EYA2: variants seen among roughly 807,000 people sequenced by gnomAD.
The protein encoded by EYA2 is EYA transcriptional coactivator and phosphatase 2, also known as protein phosphatase EYA2.
Under a neutral mutation model 69.2 loss-of-function variants are expected in EYA2, and 31 were observed. The observed-to-expected ratio is 0.45, with a 90% CI of 0.34 to 0.60. The LOEUF (loss-of-function observed/expected upper bound fraction) is 0.60. Among genes scored for constraint, EYA2 ranks in the 20% least tolerant of loss-of-function variants. The probability of loss-of-function intolerance (pLI) is 0.02; values close to 1 mark genes in which losing one functional copy is unlikely to be tolerated. For missense variants in EYA2, 622 were observed against 701.2 expected, an observed-to-expected ratio of 0.89 and a Z score of 1.28; for synonymous variants, 257 against 279.4, an observed-to-expected ratio of 0.92 and a Z score of 0.80.
chr20:46,976,078 A>T (rs984601754), intron 1 of EYA2, among the ~76,000 whole-genome samples: 8 of 152,050 alleles, frequency 5.3e-5, no homozygotes, highest in Non-Finnish European at 1.2e-4. Context: ...TTGCTTATGT[A>T]AGCTGAGTGC....
At chr20:47,067,758 TC>T (rs2031169919) in intron 5 of EYA2, among the ~76,000 whole-genome samples, 1 of 152,204 alleles carries the variant, frequency 6.6e-6, no homozygotes, top group African/African-American at 2.4e-5. Flanking sequence ...AGCTTTTTTA[TC>T]CTTTTCTTTC....
chr20:47,055,077 T>G (rs749071613), intron 5 of EYA2, among the ~76,000 whole-genome samples: 3 of 152,116 alleles, frequency 2.0e-5, no homozygotes, highest in Non-Finnish European at 2.9e-5. Context: ...TGAGATTCCC[T>G]CTCATTGGAC....
intron 1 of EYA2, among the ~76,000 whole-genome samples, chr20:46,942,954 C>T (rs776150499): frequency 1.3e-5 from 2 of 152,274 alleles, no homozygotes; most frequent in South Asian, 2.1e-4. Context: ...TTAGTAGAGA[C>T]GGAGTTTCAC....
intron 9 of EYA2, among the ~76,000 whole-genome samples, chr20:47,118,165 A>G (rs1036073879): frequency 4.6e-5 from 7 of 152,244 alleles, no homozygotes; most frequent in Non-Finnish European, 1.0e-4. Context: ...ACAATTTGAA[A>G]AGGATTTTCT....
At chr20:47,032,801 C>T (rs748938537) in intron 5 of EYA2, among the ~76,000 whole-genome samples, 3 of 152,202 alleles carry the variant, frequency 2.0e-5, no homozygotes, top group Non-Finnish European at 4.4e-5. Flanking sequence ...TGCTTCCTTG[C>T]TTTGGCTATC....
chr20:46,988,984 G>A lies in EYA2; in HGVS notation c.-10-1017G>A, dbSNP rs1021287961. 6.5e-4 allele frequency among the ~76,000 whole-genome samples: 99 copies of A among 152,160 alleles called. 1 individual carries two copies. The highest frequency in any genetic ancestry group is 2.3e-3 in the African/African-American group (94 of 41,426). The stretch of plus-strand genomic sequence containing the variant: ...GCCTCCCAAAGTGCTGGAACTGAAG[G>A]TGTGAGCCACCATGCCTGGCCAGAA... On this transcript the variant is annotated intron_variant, in intron 1 of 15. Coordinates refer to ENST00000327619, the MANE Select transcript of EYA2 (RefSeq NM_005244.5).
chr20:46,917,780 G>T (rs1243759134), intron 1 of EYA2, among the ~76,000 whole-genome samples: 2 of 152,152 alleles, frequency 1.3e-5, no homozygotes, highest in African/African-American at 4.8e-5. Context: ...GCTAATGATC[G>T]TCTGAGCCTT....
At chr20:46,895,269 C>G (rs1384439574) in intron 1 of EYA2, among the ~76,000 whole-genome samples, 1 of 152,288 alleles carries the variant, frequency 6.6e-6, no homozygotes, top group South Asian at 2.1e-4. Flanking sequence ...GTTTGCTCTC[C>G]CGCGCGCGGG....
intron 8 of EYA2, 116 bp from the exon 9 acceptor site, chr20:47,096,969 C>A: frequency 1.3e-6 from 1 of 767,954 alleles, no homozygotes; most frequent in Non-Finnish European, 2.2e-6. Context: ...TGTTTTGTAA[C>A]TAAAGATAAT....
At chr20:47,082,982 C>T (rs2031774074) in intron 7 of EYA2, among the ~76,000 whole-genome samples, 1 of 152,056 alleles carries the variant, frequency 6.6e-6, no homozygotes, top group Middle Eastern at 3.4e-3. Flanking sequence ...TCACTTGAGG[C>T]CAGAAGTCTG....
intron 5 of EYA2, among the ~76,000 whole-genome samples, chr20:47,047,968 G>A (rs201451315): frequency 9.9e-5 from 15 of 152,026 alleles, no homozygotes; most frequent in African/African-American, 3.1e-4. Flanking sequence ...ATGAGCCACC[G>A]CGCCCCTGCC....
At chr20:47,056,224 G>A (rs1015826450) in intron 5 of EYA2, among the ~76,000 whole-genome samples, 5 of 152,138 alleles carry the variant, frequency 3.3e-5, no homozygotes, top group Admixed American at 2.0e-4. Flanking sequence ...TTTTTAAGAC[G>A]GTGAGAAGGA....
At chr20:46,987,957 T>TCTCC (rs1981368370) in intron 1 of EYA2, among the ~76,000 whole-genome samples, 1 of 52,828 alleles carries the variant, frequency 1.9e-5, no homozygotes, top group Non-Finnish European at 3.4e-5. Context: ...TCTCTCTCTC[T>TCTCC]CTCTCTCTAT....
At chr20:46,953,869 G>C (rs959326684) in intron 1 of EYA2, among the ~76,000 whole-genome samples, 2 of 152,174 alleles carry the variant, frequency 1.3e-5, no homozygotes, top group Non-Finnish European at 2.9e-5. Context: ...TCGTTGGGAT[G>C]ACCATGCCAC....
chr20:46,940,595 G>A (rs1052618907), intron 1 of EYA2, among the ~76,000 whole-genome samples: 6 of 152,204 alleles, frequency 3.9e-5, no homozygotes, highest in Non-Finnish European at 8.8e-5. Flanking sequence ...AGGCACAAAG[G>A]CCACCCATGC....
At chr20:47,140,438 C>CT (rs200101721) in intron 9 of EYA2, among the ~76,000 whole-genome samples, 10 of 150,468 alleles carry the variant, frequency 6.6e-5, no homozygotes, top group African/African-American at 2.2e-4. Flanking sequence ...TTTTTTCTTT[C>CT]TTTTTTTTTA....
intron 1 of EYA2, among the ~76,000 whole-genome samples, chr20:46,977,249 C>T (rs1980520256): frequency 6.6e-6 from 1 of 152,170 alleles, no homozygotes; most frequent in Non-Finnish European, 1.5e-5. Context: ...CCCAATGTGG[C>T]TGTAATCTTA....
chr20:47,009,910 T>G (rs1016036646), intron 4 of EYA2, among the ~76,000 whole-genome samples: 3 of 152,264 alleles, frequency 2.0e-5, no homozygotes, highest in African/African-American at 7.2e-5. Flanking sequence ...CACATTCTTT[T>G]GCAACTTGCT....
At chr20:47,149,579 C>T (rs1426764248) in intron 10 of EYA2, among the ~76,000 whole-genome samples, 2 of 151,216 alleles carry the variant, frequency 1.3e-5, no homozygotes, top group East Asian at 1.9e-4. Context: ...CACGATGGCT[C>T]ATGCCTGTAA....
Sources: gnomAD v4.1 joint callset for allele counts (sites outside exome capture counted in the v4.1 genomes callset) on GRCh38, gnomAD v4.1.1 for gene constraint, MANE v1.5 for transcripts, NCBI Gene and HGNC (gene_info 2026-07-23, HGNC 2026-07-21) for gene names.